SREK1IP1: variants seen among roughly 807,000 people sequenced by gnomAD.
SREK1IP1 encodes the protein protein SREK1IP1.
SREK1IP1 carries 12 observed loss-of-function variants against 22.8 expected under a neutral mutation model. The observed-to-expected ratio is 0.53, with a 90% CI of 0.34 to 0.85. The LOEUF is 0.85. Ranked by LOEUF, SREK1IP1 falls within the 40% of genes least tolerant of loss-of-function variation. SREK1IP1 has a pLI of 0.02. For missense variants in SREK1IP1, 147 were observed against 171.8 expected, an observed-to-expected ratio of 0.86 and a Z score of 0.81; for synonymous variants, 53 against 52.7, an observed-to-expected ratio of 1.01 and a Z score of -0.02.
In SREK1IP1 at chr5:64,728,186, G is replaced by A. The variant is rs765222236; in HGVS notation, c.206-7C>T. ...TCCTCTTCTTCATTTATTCCTGTGG[G>A]GGAGAGGTGAGAAGAAAAAAATCTG... is the stretch of plus-strand genomic sequence containing the variant. On this transcript the variant is annotated splice_region_variant and splice_polypyrimidine_tract_variant and intron_variant, in intron 3 of 4. Coordinates refer to ENST00000513458, the MANE Select transcript of SREK1IP1 (RefSeq NM_173829.4). 4.3e-6 allele frequency: 6 copies of A among 1,384,380 alleles called. No individual in the cohort carries two copies. The highest frequency in any genetic ancestry group is 1.6e-5 in the African/African-American group (1 of 63,732). The allele number at this position is 1,384,380 out of a possible 1,614,324, so 85.8% of individuals were successfully genotyped here.
intron 4 of SREK1IP1, among the ~76,000 whole-genome samples, chr5:64,726,606 T>G (rs1457268216): frequency 6.7e-6 from 1 of 149,938 alleles, no homozygotes; most frequent in South Asian, 2.1e-4. Context: ...AATATACAGA[T>G]GTACTTCAAC....
At chr5:64,760,414 GA>G (rs368349754) in intron 1 of SREK1IP1, among the ~76,000 whole-genome samples, 1 of 152,190 alleles carries the variant, frequency 6.6e-6, no homozygotes, top group East Asian at 1.9e-4. Context: ...GAGGTGGGGG[GA>G]AAGTCTCTTG....
intron 4 of SREK1IP1, among the ~76,000 whole-genome samples, chr5:64,726,432 C>G (rs1054346993): frequency 6.6e-6 from 1 of 151,612 alleles, no homozygotes; most frequent in Non-Finnish European, 1.5e-5. Flanking sequence ...AAAAATTAGT[C>G]GGGCATGGTG....
In SREK1IP1 at chr5:64,720,512, C is replaced by CTT. The variant is rs11381086; in HGVS notation, c.*3870_*3871dup. ...TAAAAGTCATTTCCTTCCTTAAAAT[C>CTT]TTTTTTTTTTTTTGAGATAGAGTCT... On this transcript the variant is annotated 3_prime_UTR_variant, in exon 5 of 5. Transcript: ENST00000513458. The CTT allele has an allele frequency of 0.066, 9,692 of 146,872 alleles. 996 individuals carry two copies. The highest frequency in any genetic ancestry group is 0.22 in the African/African-American group (8,933 of 39,846). The allele number at this position is 146,872 out of a possible 1,614,324, so 9.1% of individuals were successfully genotyped here.
intron 1 of SREK1IP1, among the ~76,000 whole-genome samples, chr5:64,766,614 A>G (rs1370717351): frequency 6.6e-6 from 1 of 152,240 alleles, no homozygotes; most frequent in African/African-American, 2.4e-5. Context: ...TGCCATCTGT[A>G]GGATAATGCC....
intron 2 of SREK1IP1, among the ~76,000 whole-genome samples, chr5:64,744,337 A>G (rs1021015400): frequency 1.3e-5 from 2 of 152,080 alleles, no homozygotes; most frequent in Non-Finnish European, 2.9e-5. Context: ...GCCTCTTCCA[A>G]GTATATTTTC....
chr5:64,730,155 G>A (rs748022301), intron 3 of SREK1IP1, among the ~76,000 whole-genome samples: 2 of 152,116 alleles, frequency 1.3e-5, no homozygotes, highest in Non-Finnish European at 2.9e-5. Flanking sequence ...CCACGGGGTT[G>A]GAAGAATACC....
intron 1 of SREK1IP1, among the ~76,000 whole-genome samples, chr5:64,762,017 C>T (rs1742960358): frequency 6.6e-6 from 1 of 152,286 alleles, no homozygotes; most frequent in East Asian, 1.9e-4. Flanking sequence ...TCAGGTTGGT[C>T]AGTGGTCCGC....
chr5:64,739,801 C>T (rs1742523567), intron 3 of SREK1IP1, among the ~76,000 whole-genome samples: 1 of 152,048 alleles, frequency 6.6e-6, no homozygotes, highest in South Asian at 2.1e-4. Context: ...TGTTTGCCCT[C>T]TTTGGGATTC....
chr5:64,741,167 A>C lies in SREK1IP1; in HGVS notation c.95T>G (p.Leu32Arg). The C allele has an allele frequency of 6.2e-7, 1 of 1,611,950 alleles. No individual in the cohort carries two copies. Among genetic ancestry groups the C allele is most frequent in the Non-Finnish European group, 8.5e-7 (1 of 1,178,866 alleles). Residue 32 changes from leucine to arginine, a missense_variant, in exon 3 of 5, where the codon CTC (leucine) becomes CGC (arginine). Physicochemically the swap from Leu to Arg is moderately radical, Grantham distance 102. Around this residue, in one of 3 missense-constraint regions of SREK1IP1, gnomAD observed 62 missense variants for 73.3 expected, o/e 0.85. Transcript: ENST00000513458. The stretch of plus-strand genomic sequence containing the variant: ...TATGTCCCTTTTAGGGTCTACTCGG[A>C]GAAAATTGCGGCATTCAAAAGTCAG... ...GHLTFECRNFLRVDPKRDIVL... is the reference protein window; with the variant it reads ...GHLTFECRNFRRVDPKRDIVL...
Position 64,728,088 on chromosome 5 carries a change from A to C in SREK1IP1, c.278+19T>G. On this transcript the variant is annotated intron_variant, in intron 4 of 4. Transcript: ENST00000513458. ...CTCATAGGCCTGCTTTGTTTTTTAA[A>C]ATGTTGTTCAAAAAATACCTTTTCC... The C allele has an allele frequency of 3.7e-6, 5 of 1,355,862 alleles. No homozygotes were observed. The highest frequency in any genetic ancestry group is 4.8e-6 in the Non-Finnish European group (5 of 1,044,102). The allele number at this position is 1,355,862 out of a possible 1,614,324, so 84.0% of individuals were successfully genotyped here.
Position 64,723,999 on chromosome 5 carries a change from A to G in SREK1IP1, c.*385T>C, listed in dbSNP as rs1742218476. On this transcript the variant is annotated 3_prime_UTR_variant, in exon 5 of 5. Transcript: ENST00000513458. ...CCCCTTACCTTGCTTCATCATTGGA[A>G]GGTGGACACCTGATCCAGCAATACT... 1 of 158,574 alleles carries G rather than the reference A, an allele frequency of 6.3e-6. No homozygotes were observed. Among genetic ancestry groups the G allele is most frequent in the Admixed American group, 6.5e-5 (1 of 15,438 alleles). The allele number at this position is 158,574 out of a possible 1,614,324, so 9.8% of individuals were successfully genotyped here. A position where few individuals can be genotyped will look rare whatever the true frequency, so the allele number is the denominator to read the frequency against.
intron 2 of SREK1IP1, 74 bp downstream of exon 2, chr5:64,754,241 T>C (rs577652078): frequency 2.1e-6 from 3 of 1,426,698 alleles, no homozygotes; most frequent in Admixed American, 1.7e-5. Context: ...ATCAGGGTGC[T>C]ACATTATATT....
chr5:64,766,007 A>C (rs1053803701), intron 1 of SREK1IP1, among the ~76,000 whole-genome samples: 1 of 152,224 alleles, frequency 6.6e-6, no homozygotes, highest in African/African-American at 2.4e-5. Context: ...TAGGCAATCT[A>C]CTGTGTAGGT....
intron 1 of SREK1IP1, among the ~76,000 whole-genome samples, chr5:64,755,758 T>A (rs58771180): frequency 0.037 from 5,628 of 152,068 alleles, 367 homozygotes; most frequent in African/African-American, 0.13. Context: ...AGAGTTTAAA[T>A]ATTCCAAGAA....
intron 2 of SREK1IP1, among the ~76,000 whole-genome samples, chr5:64,745,229 T>C (rs766340913): frequency 4.6e-5 from 7 of 152,306 alleles, no homozygotes; most frequent in South Asian, 2.1e-4. Context: ...TCCTCCTGCA[T>C]TGTTACATGT....
chr5:64,739,497 T>C (rs1030435216), intron 3 of SREK1IP1, among the ~76,000 whole-genome samples: 3 of 152,108 alleles, frequency 2.0e-5, no homozygotes, highest in African/African-American at 7.2e-5. Context: ...ATACTAATTA[T>C]CATGTCTTTA....
chr5:64,727,553 A>ATATATATATATATATATATATATATT, intron 4 of SREK1IP1: 2 of 84,672 alleles, frequency 2.4e-5, no homozygotes, highest in African/African-American at 1.1e-4. Flanking sequence ...ATATATATAT[A>ATATATATATATATATATATATATATT]TTTTTTTTTT....
intron 1 of SREK1IP1, among the ~76,000 whole-genome samples, chr5:64,757,850 T>C (rs141124873): frequency 1.5e-3 from 227 of 148,792 alleles, no homozygotes; most frequent in Non-Finnish European, 3.0e-3. Context: ...CTGTTTCTAT[T>C]AGGTTCCTAT....
Sources: gnomAD v4.1 joint callset for allele counts (sites outside exome capture counted in the v4.1 genomes callset) on GRCh38, gnomAD v4.1.1 for gene constraint, gnomAD v4.1.1 regional missense constraint, MANE v1.5 for transcripts, NCBI Gene and HGNC (gene_info 2026-07-23, HGNC 2026-07-21) for gene names.